Variants in LOC400499 observed in about 807,000 individuals in gnomAD.
At chr16:11,387,968 T>C in the LOC400499 span, among the ~76,000 whole-genome samples, 16 of 152,134 alleles carry the variant, frequency 1.1e-4, no homozygotes, top group Non-Finnish European at 1.9e-4. Flanking sequence ...GACTGGAACT[T>C]TCTCAGGATC....
chr16:11,496,703 C>T, the LOC400499 span, among the ~76,000 whole-genome samples: 3 of 152,036 alleles, frequency 2.0e-5, no homozygotes, highest in Non-Finnish European at 1.5e-5. Flanking sequence ...TGTGTGCCCA[C>T]GCACAGCCCA....
At chr16:11,389,082 C>A in the LOC400499 span, among the ~76,000 whole-genome samples, 2 of 152,212 alleles carry the variant, frequency 1.3e-5, no homozygotes, top group East Asian at 3.9e-4. Flanking sequence ...GAACAAGACT[C>A]CATCTCAAAA....
At chr16:11,477,677 T>C in the LOC400499 span, 9 of 393,762 alleles carry the variant, frequency 2.3e-5, no homozygotes, top group Non-Finnish European at 4.0e-5. Context: ...CCACCCAGCA[T>C]CTCTGCACAC....
At chr16:11,452,541 A>C in the LOC400499 span, among the ~76,000 whole-genome samples, 1 of 152,230 alleles carries the variant, frequency 6.6e-6, no homozygotes, top group Non-Finnish European at 1.5e-5. Flanking sequence ...GCGGCCCCTC[A>C]AAGTGAATGG....
the LOC400499 span, chr16:11,450,462 G>A: frequency 1.4e-6 from 1 of 713,370 alleles, no homozygotes; most frequent in South Asian, 1.9e-5. Flanking sequence ...ACTAAACTCT[G>A]ATAGTTGCAG....
At chr16:11,404,332 C>T in the LOC400499 span, among the ~76,000 whole-genome samples, 49 of 152,286 alleles carry the variant, frequency 3.2e-4, no homozygotes, top group African/African-American at 1.1e-3. Context: ...CTAGATTACA[C>T]CTGGGATATG....
At chr16:11,465,722 AC>A in the LOC400499 span, among the ~76,000 whole-genome samples, 11 of 151,448 alleles carry the variant, frequency 7.3e-5, no homozygotes, top group South Asian at 8.4e-4. Context: ...GCAGTGATCT[AC>A]GATCACTGCA....
At chr16:11,417,483 C>T in the LOC400499 span, 47,620 of 396,896 alleles carry the variant, frequency 0.12, 3,662 homozygotes, top group African/African-American at 0.28. Context: ...AGGTCATTGA[C>T]GGGCAAGGCT....
the LOC400499 span, among the ~76,000 whole-genome samples, chr16:11,405,264 G>A: frequency 9.9e-5 from 15 of 152,222 alleles, no homozygotes; most frequent in Admixed American, 3.9e-4. Context: ...GAGCTTGTAG[G>A]AGGCACGCAG....
chr16:11,504,372 A>G, the LOC400499 span, among the ~76,000 whole-genome samples: 1 of 152,100 alleles, frequency 6.6e-6, no homozygotes, highest in East Asian at 1.9e-4. Context: ...CATGGCCAAC[A>G]TGGTGAAACT....
the LOC400499 span, among the ~76,000 whole-genome samples, chr16:11,520,127 T>A: frequency 6.6e-6 from 1 of 152,178 alleles, no homozygotes; most frequent in Admixed American, 6.5e-5. Flanking sequence ...GCACAGAGCT[T>A]CTGTTTAGGA....
At chr16:11,488,356 G>A in the LOC400499 span, among the ~76,000 whole-genome samples, 3 of 152,098 alleles carry the variant, frequency 2.0e-5, no homozygotes, top group Admixed American at 6.6e-5. Flanking sequence ...AGCAGCAGGT[G>A]CTATGAAAAT....
chr16:11,504,827 A>T, the LOC400499 span, among the ~76,000 whole-genome samples: 1 of 152,152 alleles, frequency 6.6e-6, no homozygotes, highest in Non-Finnish European at 1.5e-5. Context: ...AGAGGCTGAG[A>T]CAGGAGAATC....
the LOC400499 span, among the ~76,000 whole-genome samples, chr16:11,479,093 T>G: frequency 7.9e-5 from 12 of 152,070 alleles, no homozygotes; most frequent in African/African-American, 2.9e-4. Context: ...GAAAACGAAC[T>G]AATACACAGG....
At chr16:11,383,166 C>T in the LOC400499 span, among the ~76,000 whole-genome samples, 14 of 151,776 alleles carry the variant, frequency 9.2e-5, no homozygotes, top group East Asian at 3.9e-4. Flanking sequence ...CCTGGGTTCA[C>T]GCCATTCTCC....
chr16:11,471,026 A>T, the LOC400499 span, among the ~76,000 whole-genome samples: 1 of 152,222 alleles, frequency 6.6e-6, no homozygotes, highest in Non-Finnish European at 1.5e-5. Flanking sequence ...CAGGGGCAGG[A>T]CTGCCAAGGG....
At chr16:11,518,833 A>G in the LOC400499 span, 6 of 398,910 alleles carry the variant, frequency 1.5e-5, no homozygotes, top group Admixed American at 1.3e-4. Flanking sequence ...CTGTTGAAAG[A>G]CGGCAGAGGG....
At chr16:11,503,240 T>C in the LOC400499 span, among the ~76,000 whole-genome samples, 3 of 151,996 alleles carry the variant, frequency 2.0e-5, no homozygotes, top group Non-Finnish European at 4.4e-5. Context: ...AATAAAAAAA[T>C]TGTTTTATAC....
the LOC400499 span, among the ~76,000 whole-genome samples, chr16:11,393,161 C>T: frequency 4.0e-4 from 57 of 142,786 alleles, no homozygotes; most frequent in African/African-American, 1.4e-3. Context: ...GCCACCCCCC[C>T]CCCTTTTTTT....
Sources: allele counts gnomAD v4.1 joint callset (sites outside exome capture counted in the v4.1 genomes callset), GRCh38; gene constraint gnomAD v4.1.1; transcripts MANE v1.5.